Variants in KCNT2 observed in about 807,000 individuals in gnomAD.
KCNT2 encodes the protein potassium channel subfamily T member 2.
A neutral mutation model predicts 153.8 loss-of-function variants in KCNT2; 67 were observed. That is an observed-to-expected ratio of 0.44 (90% CI 0.36 to 0.53). The LOEUF (loss-of-function observed/expected upper bound fraction) is 0.53. Ranked by LOEUF, KCNT2 falls within the 20% of genes least tolerant of loss-of-function variation. KCNT2 has a pLI of 0.00. For missense variants in KCNT2, 975 were observed against 1,354.8 expected (o/e 0.72, Z 4.40); for synonymous variants, 500 against 458.8 (o/e 1.09, Z -1.15).
chr1:196,506,963 T>C (rs771860355), intron 1 of KCNT2, among the ~76,000 whole-genome samples: 11 of 152,098 alleles, frequency 7.2e-5, no homozygotes, highest in Non-Finnish European at 1.5e-4. Context: ...CCCCTACTAA[T>C]GGATCCTTAA....
intron 8 of KCNT2, among the ~76,000 whole-genome samples, chr1:196,438,684 G>C (rs1402504961): frequency 6.6e-6 from 1 of 151,588 alleles, no homozygotes; most frequent in African/African-American, 2.4e-5. Context: ...CATCAGGCTA[G>C]TGACTTGTTT....
intron 26 of KCNT2, among the ~76,000 whole-genome samples, chr1:196,252,131 T>C (rs569915432): frequency 1.3e-5 from 2 of 151,936 alleles, no homozygotes; most frequent in East Asian, 3.9e-4. Flanking sequence ...CTTCCTTCTT[T>C]GAAGTGAGTT....
intron 1 of KCNT2, among the ~76,000 whole-genome samples, chr1:196,538,668 T>A (rs1655934801): frequency 6.6e-6 from 1 of 152,172 alleles, no homozygotes; most frequent in Admixed American, 6.5e-5. Context: ...TGTGTGGAGT[T>A]GTGTGCCTGC....
intron 1 of KCNT2, among the ~76,000 whole-genome samples, chr1:196,585,488 C>T (rs114042061): frequency 0.019 from 2,943 of 152,126 alleles, 35 homozygotes; most frequent in Middle Eastern, 0.034. Flanking sequence ...AATGAATTCT[C>T]TTTGTCATTC....
chr1:196,249,988 TTTCATG>T lies in KCNT2; in HGVS notation c.3211+8200_3211+8205del, dbSNP rs1224094330. The stretch of plus-strand genomic sequence containing the variant: ...GAATGATATTTCATATTCACAGATA[TTTCATG>T]TTCACATATTGTTAAAATGCCCATA... On this transcript the variant is annotated intron_variant, in intron 26 of 27. Transcript: ENST00000294725. Among the ~76,000 whole-genome samples, 6 of 152,182 alleles carry T rather than the reference TTTCATG, an allele frequency of 3.9e-5. No individual in the cohort carries two copies. In the South Asian group the frequency reaches 1.2e-3, roughly 32 times the overall value.
At chr1:196,343,056 C>G (rs1665818475) in intron 14 of KCNT2, 2 of 152,104 alleles carry the variant, frequency 1.3e-5, no homozygotes, top group Non-Finnish European at 2.9e-5. Context: ...GGGCCCTCAC[C>G]AGCACTGGAT....
intron 3 of KCNT2, among the ~76,000 whole-genome samples, chr1:196,487,199 G>A (rs1389629442): frequency 6.6e-6 from 1 of 151,906 alleles, no homozygotes; most frequent in Non-Finnish European, 1.5e-5. Context: ...AAGGTATGAT[G>A]ATATAACTGG....
intron 1 of KCNT2, among the ~76,000 whole-genome samples, chr1:196,504,989 T>C (rs879512775): frequency 1.4e-3 from 206 of 152,328 alleles, no homozygotes; most frequent in Middle Eastern, 0.01. Flanking sequence ...TATTAGCCTT[T>C]TGTCAGATAA....
chr1:196,416,628 T>C (rs1172377619), intron 12 of KCNT2, among the ~76,000 whole-genome samples: 1 of 152,070 alleles, frequency 6.6e-6, no homozygotes, highest in African/African-American at 2.4e-5. Flanking sequence ...ACCTGTTTTA[T>C]GAAGCTTCAC....
chr1:196,367,945 G>T (rs992637551), intron 14 of KCNT2, among the ~76,000 whole-genome samples: 4 of 152,098 alleles, frequency 2.6e-5, no homozygotes, highest in Admixed American at 6.6e-5. Flanking sequence ...CTGAAGCAGA[G>T]AATGCATTTT....
chr1:196,417,837 C>A (rs1672875635), intron 12 of KCNT2, among the ~76,000 whole-genome samples: 1 of 152,058 alleles, frequency 6.6e-6, no homozygotes, highest in African/African-American at 2.4e-5. Flanking sequence ...GACATCATCA[C>A]AAACACATAA....
At chr1:196,407,333 A>G (rs1171248366) in intron 12 of KCNT2, among the ~76,000 whole-genome samples, 2 of 151,530 alleles carry the variant, frequency 1.3e-5, no homozygotes, top group Non-Finnish European at 1.5e-5. Context: ...ACTGAAGTCC[A>G]GGGATGTACA....
At chr1:196,364,741 A>C (rs1667897973) in intron 14 of KCNT2, among the ~76,000 whole-genome samples, 1 of 152,128 alleles carries the variant, frequency 6.6e-6, no homozygotes, top group Non-Finnish European at 1.5e-5. Context: ...TACTTTGAAC[A>C]CAACAGATAA....
intron 1 of KCNT2, among the ~76,000 whole-genome samples, chr1:196,580,340 G>A (rs1267942829): frequency 1.3e-5 from 2 of 152,118 alleles, no homozygotes; most frequent in South Asian, 4.1e-4. Flanking sequence ...CAGTGGGAGG[G>A]GAGGGAGTTC....
At position 196,228,198 on chromosome 1, in the gene KCNT2, G is replaced by GA; in HGVS notation, c.*25dup. 1 of 1,427,662 alleles carries GA rather than the reference G, an allele frequency of 7.0e-7. No individual in the cohort carries two copies. The highest frequency in any genetic ancestry group is 1.8e-4 in the Middle Eastern group (1 of 5,646). 88.4% of individuals were successfully genotyped at this position (1,427,662 alleles called of 1,614,324 possible). A position where few individuals can be genotyped will look rare whatever the true frequency, so the allele number is the denominator to read the frequency against. On this transcript the variant is annotated 3_prime_UTR_variant, in exon 28 of 28. Transcript: ENST00000294725. Reference sequence around the variant, plus strand: ...GTGGTTTCAAGCAAGGTCTTTGTAGGAAAAAAGTTTCTCATTTTATTTTTA... The same window carrying GA: ...GTGGTTTCAAGCAAGGTCTTTGTAGGAAAAAAAGTTTCTCATTTTATTTTTA...
chr1:196,357,645 C>T (rs1471927494), intron 14 of KCNT2, among the ~76,000 whole-genome samples: 1 of 151,698 alleles, frequency 6.6e-6, no homozygotes, highest in Non-Finnish European at 1.5e-5. Flanking sequence ...AGGAAACAGG[C>T]AGGGTGGGAG....
chr1:196,455,005 C>T (rs531456944), intron 8 of KCNT2, among the ~76,000 whole-genome samples: 1 of 152,086 alleles, frequency 6.6e-6, no homozygotes, highest in South Asian at 2.1e-4. Flanking sequence ...TGGCTCTTGA[C>T]CAGGAGTCAA....
At position 196,478,050 on chromosome 1, in the gene KCNT2, T is replaced by C. The variant is rs575541799; in HGVS notation, c.384+1129A>G. ...TAATCTATGTGGATCCCAATATGAC[T>C]TCTTTCTTGGTACGATTGTTTCTTA... On this transcript the variant is annotated intron_variant, in intron 5 of 27. Coordinates refer to ENST00000294725, the MANE Select transcript of KCNT2 (RefSeq NM_198503.5). Among the ~76,000 whole-genome samples, 3 of 152,354 alleles carry C rather than the reference T, an allele frequency of 2.0e-5. No homozygotes were observed. The South Asian group carries it at 6.2e-4, about 32-fold the overall frequency.
At chr1:196,499,222 A>G (rs190349067) in intron 1 of KCNT2, among the ~76,000 whole-genome samples, 64 of 152,262 alleles carry the variant, frequency 4.2e-4, no homozygotes, top group Non-Finnish European at 8.8e-5. Context: ...CCTACACCCT[A>G]TGTTCAAATT....
Sources: gnomAD v4.1 joint callset for allele counts (sites outside exome capture counted in the v4.1 genomes callset) on GRCh38, gnomAD v4.1.1 for gene constraint, MANE v1.5 for transcripts, NCBI Gene and HGNC (gene_info 2026-07-23, HGNC 2026-07-21) for gene names.